The following B3GALT1 variants were observed in gnomAD, a reference collection of about 807,000 sequenced individuals.
B3GALT1 encodes the protein UDP-Gal:betaGlcNAc beta 1,3-galactosyltransferase, polypeptide 1.
Under a neutral mutation model 23.2 loss-of-function variants are expected in B3GALT1, and 10 were observed. The observed-to-expected ratio is 0.43, with a 90% CI of 0.27 to 0.73. The LOEUF is 0.73. Ranked by LOEUF, B3GALT1 falls within the 30% of genes least tolerant of loss-of-function variation. The pLI, the probability that B3GALT1 is intolerant of heterozygous loss-of-function variation, is 0.21. For synonymous variants in B3GALT1, 156 were observed against 141.5 expected (o/e 1.10, Z -0.73); for missense variants, 299 against 405.4 (o/e 0.74, Z 2.25).
At chr2:167,852,505 T>TGA (rs1491060217) in intron 4 of B3GALT1, among the ~76,000 whole-genome samples, 6 of 136,924 alleles carry the variant, frequency 4.4e-5, no homozygotes, top group Non-Finnish European at 6.4e-5. Context: ...TGTGTGTGTG[T>TGA]ACGTGCTTAT....
intron 2 of B3GALT1, among the ~76,000 whole-genome samples, chr2:167,636,250 G>A (rs1373226557): frequency 6.6e-6 from 1 of 151,878 alleles, no homozygotes; most frequent in East Asian, 1.9e-4. Flanking sequence ...CAGGGCAGGA[G>A]CAGAGCACCT....
intron 3 of B3GALT1, among the ~76,000 whole-genome samples, chr2:167,692,529 T>C (rs1211444256): frequency 1.3e-5 from 2 of 152,228 alleles, no homozygotes; most frequent in East Asian, 1.9e-4. Flanking sequence ...ATTTTAGAGC[T>C]CAGCACAATT....
At chr2:167,844,146 G>T (rs1254867252) in intron 4 of B3GALT1, among the ~76,000 whole-genome samples, 1 of 152,186 alleles carries the variant, frequency 6.6e-6, no homozygotes, top group Non-Finnish European at 1.5e-5. Context: ...TGTTGATGAT[G>T]CTTGCTAAGT....
chr2:167,704,112 C>T (rs1338889415), intron 3 of B3GALT1, among the ~76,000 whole-genome samples: 2 of 139,704 alleles, frequency 1.4e-5, no homozygotes, highest in African/African-American at 5.4e-5. Flanking sequence ...ACCCGGGAGG[C>T]GGAGCTTGCA....
intron 4 of B3GALT1, among the ~76,000 whole-genome samples, chr2:167,824,690 G>A (rs1689177876): frequency 6.6e-6 from 1 of 152,154 alleles, no homozygotes; most frequent in African/African-American, 2.4e-5. Context: ...AGGGACCAGT[G>A]TCATTTGGTC....
chr2:167,634,596 C>A (rs1685515351), intron 2 of B3GALT1, among the ~76,000 whole-genome samples: 1 of 152,070 alleles, frequency 6.6e-6, no homozygotes, highest in Non-Finnish European at 1.5e-5. Context: ...ACTAGAAAAT[C>A]TAGAAGAAAC....
chr2:167,792,737 A>G (rs1450516205), intron 3 of B3GALT1, among the ~76,000 whole-genome samples: 1 of 152,180 alleles, frequency 6.6e-6, no homozygotes, highest in Non-Finnish European at 1.5e-5. Context: ...TGGAAAGGAT[A>G]TTATGGTTAC....
intron 1 of B3GALT1, among the ~76,000 whole-genome samples, chr2:167,449,380 C>G (rs935340829): frequency 6.6e-6 from 1 of 152,014 alleles, no homozygotes; most frequent in Non-Finnish European, 1.5e-5. Context: ...GTGTTGAGTT[C>G]TTGATTTCTC....
intron 4 of B3GALT1, among the ~76,000 whole-genome samples, chr2:167,838,275 A>G (rs1266329610): frequency 1.4e-3 from 209 of 152,282 alleles, no homozygotes; most frequent in African/African-American, 5.0e-3. Context: ...TTGATAGACC[A>G]CTAGCAAGAC....
intron 2 of B3GALT1, among the ~76,000 whole-genome samples, chr2:167,508,298 C>T (rs1351869967): frequency 2.7e-5 from 4 of 149,256 alleles, no homozygotes; most frequent in Non-Finnish European, 5.9e-5. Context: ...TGCTCTGTCA[C>T]CCAGGCTGGA....
chr2:167,343,611 C>A (rs1282606905), intron 1 of B3GALT1, among the ~76,000 whole-genome samples: 29 of 152,202 alleles, frequency 1.9e-4, no homozygotes, highest in East Asian at 3.9e-4. Flanking sequence ...CTGCTCTTAA[C>A]CTGTGTAGGC....
chr2:167,805,297 A>G (rs1171094928), intron 3 of B3GALT1, among the ~76,000 whole-genome samples: 6 of 151,952 alleles, frequency 3.9e-5, no homozygotes, highest in East Asian at 1.9e-4. Context: ...CTCTGATGGT[A>G]GTTTCTTTTG....
chr2:167,378,427 T>C (rs1697796497), intron 1 of B3GALT1, among the ~76,000 whole-genome samples: 1 of 152,156 alleles, frequency 6.6e-6, no homozygotes, highest in South Asian at 2.1e-4. Context: ...TCTGGGTTGT[T>C]TACTTTTTCT....
intron 1 of B3GALT1, among the ~76,000 whole-genome samples, chr2:167,317,613 T>G (rs928176060): frequency 6.6e-6 from 1 of 152,140 alleles, no homozygotes; most frequent in Non-Finnish European, 1.5e-5. Flanking sequence ...ATATTCCATA[T>G]TTACATCCAG....
At chr2:167,584,691 C>G (rs1684556782) in intron 2 of B3GALT1, among the ~76,000 whole-genome samples, 2 of 152,126 alleles carry the variant, frequency 1.3e-5, no homozygotes, top group Admixed American at 6.5e-5. Context: ...ACAACCCCCT[C>G]CTTGGTTTGA....
intron 2 of B3GALT1, among the ~76,000 whole-genome samples, chr2:167,494,553 A>G (rs1351013876): frequency 2.0e-5 from 3 of 152,148 alleles, no homozygotes; most frequent in East Asian, 3.8e-4. Context: ...TGATATGATT[A>G]TATCTACATA....
intron 2 of B3GALT1, among the ~76,000 whole-genome samples, chr2:167,645,885 A>G (rs1334087104): frequency 6.6e-6 from 1 of 151,954 alleles, no homozygotes; most frequent in Non-Finnish European, 1.5e-5. Context: ...AAAAATGTGT[A>G]CTTGGGGTGG....
chr2:167,378,020 A>T (rs1454706960), intron 1 of B3GALT1, among the ~76,000 whole-genome samples: 1 of 152,188 alleles, frequency 6.6e-6, no homozygotes. Context: ...GTATGTTGGT[A>T]ATAAATACTG....
chr2:167,870,810 C>G lies in B3GALT1; in HGVS notation c.*790C>G, dbSNP rs906761269. 1 of 166,876 alleles carries G rather than the reference C, an allele frequency of 6.0e-6. No homozygotes were observed. The highest frequency in any genetic ancestry group is 1.5e-5 in the Non-Finnish European group (1 of 68,108). 10.3% of individuals were successfully genotyped at this position (166,876 alleles called of 1,614,324 possible). A position where few individuals can be genotyped will look rare whatever the true frequency, so the allele number is the denominator to read the frequency against. On this transcript the variant is annotated 3_prime_UTR_variant, in exon 5 of 5. Coordinates refer to ENST00000392690, the MANE Select transcript of B3GALT1 (RefSeq NM_020981.4). ...AAATATAATCTCACCTGCTTCCTTC[C>G]AGACAGTGTCGCTAAGTGCATTTCA...
Sources: allele counts gnomAD v4.1 joint callset (sites outside exome capture counted in the v4.1 genomes callset), GRCh38; gene constraint gnomAD v4.1.1; transcripts MANE v1.5; gene names NCBI Gene and HGNC (gene_info 2026-07-23, HGNC 2026-07-21).